The following PLA2G4D variants were observed in gnomAD, a reference collection of about 807,000 sequenced individuals.
The protein encoded by PLA2G4D is phospholipase A2 group IVD, also known as cytosolic phospholipase A2 delta.
Under a neutral mutation model 94.4 loss-of-function variants are expected in PLA2G4D, and 80 were observed. That is an observed-to-expected ratio of 0.85 (90% CI 0.71 to 1.02). PLA2G4D has a LOEUF of 1.02. Ranked by LOEUF, PLA2G4D falls within the 50% of genes least tolerant of loss-of-function variation. The probability of loss-of-function intolerance (pLI) is 0.00; values close to 1 mark genes in which losing one functional copy is unlikely to be tolerated. For missense variants in PLA2G4D, 1,050 were observed against 1,034.7 expected, an observed-to-expected ratio of 1.01 and a Z score of -0.20; for synonymous variants, 438 against 440.9, an observed-to-expected ratio of 0.99 and a Z score of 0.08.
In PLA2G4D at chr15:42,070,691, G is replaced by T. The variant is rs1469402219; in HGVS notation, c.2043+26C>A. The T allele has an allele frequency of 2.6e-6, 4 of 1,546,636 alleles. No individual in the cohort carries two copies. In the Admixed American group the frequency reaches 7.9e-5, roughly 30 times the overall value. On this transcript the variant is annotated intron_variant, in intron 18 of 19. Coordinates refer to ENST00000290472, the MANE Select transcript of PLA2G4D (RefSeq NM_178034.4). ...TGGAGCTTGGCCTGGCTGGGCAGAG[G>T]GGTTCCCCTGGGGTGACCAGGGTAC...
Position 42,087,333 on chromosome 15 carries a change from C to T in PLA2G4D, c.222G>A (p.Glu74=). Residue 74 remains glutamate (E), a synonymous_variant, in exon 3 of 20, where the codon GAG becomes GAA. Coordinates refer to ENST00000290472, the MANE Select transcript of PLA2G4D (RefSeq NM_178034.4). ...GACTTTGGATAAGGAAACGGAAGGC[C>T]TCATTCCACACAGGATGACTGGTGT... ...LTDTSHPVWN[E]AFRFLIQSQV... is the part of the protein sequence containing the mutation. 1 of 1,614,182 alleles carries T rather than the reference C, an allele frequency of 6.2e-7. No individual in the cohort carries two copies. Among genetic ancestry groups the T allele is most frequent in the Non-Finnish European group, 8.5e-7 (1 of 1,180,030 alleles).
At position 42,083,247 on chromosome 15, in the gene PLA2G4D, C is replaced by T. The variant is rs189743179; in HGVS notation, c.623G>A (p.Arg208His). The change falls in exon 8 of 20, where the codon CGC becomes CAC. Residue 208 changes from arginine to histidine, a missense_variant. Arg to His is a conservative substitution (Grantham distance 29). Transcript: ENST00000290472. ...TSFLGTASAF[R>H]FHYMAALETE... is the part of the protein sequence containing the mutation. ...CTCTAGGGCTGCCATGTAGTGGAAG[C>T]GGAAGGCAGAGGCTGTGCCCAGGAA... The T allele has an allele frequency of 2.8e-5, 45 of 1,614,132 alleles. No individual in the cohort carries two copies. The East Asian group carries it at 8.2e-4, about 30-fold the overall frequency.
chr15:42,071,123 C>T lies in PLA2G4D; in HGVS notation c.1876G>A (p.Asp626Asn), dbSNP rs1422098788. Residue 626 changes from aspartate (D) to asparagine (N), a missense_variant and splice_region_variant, in exon 17 of 20, where the codon GAC becomes AAC. Coordinates refer to ENST00000290472, the MANE Select transcript of PLA2G4D (RefSeq NM_178034.4). ...CSHKDFSTWA[D>N]YQLDSMPSQL... Reference sequence around the variant, plus strand: ...AGGGACCCCTGGCCACGGCCCTGACCTGCCCAGGTGGAGAAGTCTTTGTGG... The same window carrying T: ...AGGGACCCCTGGCCACGGCCCTGACTTGCCCAGGTGGAGAAGTCTTTGTGG... 1 of 1,609,584 alleles carries T rather than the reference C, an allele frequency of 6.2e-7. No individual in the cohort carries two copies. Among genetic ancestry groups the T allele is most frequent in the Non-Finnish European group, 8.5e-7 (1 of 1,178,762 alleles).
chr15:42,074,894 C>T (rs147679938), intron 13 of PLA2G4D, among the ~76,000 whole-genome samples: 314 of 152,174 alleles, frequency 2.1e-3, no homozygotes, highest in African/African-American at 6.9e-3. Context: ...AAATTAAAAA[C>T]CTTTCATATT....
rs573993659 is a variant in PLA2G4D, at chr15:42,091,654, C to T, written c.45+2761G>A. On this transcript the variant is annotated intron_variant, in intron 1 of 19. Coordinates refer to ENST00000290472, the MANE Select transcript of PLA2G4D (RefSeq NM_178034.4). ...CTCGTGGAGGGCCTGACGTTAGGCT[C>T]GCCCGCAGTTACCTGGAGGCCTAAC... 1.1e-3 allele frequency among the ~76,000 whole-genome samples: 169 copies of T among 151,884 alleles called. 1 individual carries two copies. The highest frequency in any genetic ancestry group is 4.0e-3 in the African/African-American group (163 of 41,226).
chr15:42,086,194 T>TAA lies in PLA2G4D; in HGVS notation c.387+18_387+19insTT. ...GGAAGAAGTGGGGCCCACGGGGACT[T>TAA]CCCCACCCACCCACCCACCTGGGGA... On this transcript the variant is annotated intron_variant, in intron 4 of 19. Coordinates refer to ENST00000290472, the MANE Select transcript of PLA2G4D (RefSeq NM_178034.4). The TAA allele has an allele frequency of 7.3e-7, 1 of 1,370,444 alleles. No homozygotes were observed. 84.9% of individuals were successfully genotyped at this position (1,370,444 alleles called of 1,614,324 possible). A position where few individuals can be genotyped will look rare whatever the true frequency, so the allele number is the denominator to read the frequency against.
rs1372361632 is a variant in PLA2G4D at position 42,067,907 on chromosome 15, G to C, written c.*808C>G. 1 of 152,248 alleles carries C rather than the reference G, an allele frequency of 6.6e-6. No individual in the cohort carries two copies. The highest frequency in any genetic ancestry group is 1.5e-5 in the Non-Finnish European group (1 of 68,048). The allele number at this position is 152,248 out of a possible 1,614,324, so 9.4% of individuals were successfully genotyped here. A position where few individuals can be genotyped will look rare whatever the true frequency, so the allele number is the denominator to read the frequency against. ...GTCAGAGTCAGGAACAAGACAAGAT[G>C]TCTGCTCTTGAAACGTGTGTTCATC... On this transcript the variant is annotated 3_prime_UTR_variant, in exon 20 of 20. Transcript: ENST00000290472.
Position 42,086,194 on chromosome 15 carries a change from T to TTGGGGGGGGGGGGGCGCC in PLA2G4D, c.387+18_387+19insGGCGCCCCCCCCCCCCCA. 4 of 1,370,436 alleles carry TTGGGGGGGGGGGGGCGCC rather than the reference T, an allele frequency of 2.9e-6. No individual in the cohort carries two copies. The highest frequency in any genetic ancestry group is 3.8e-6 in the Non-Finnish European group (4 of 1,043,076). 84.9% of individuals were successfully genotyped at this position (1,370,436 alleles called of 1,614,324 possible). On this transcript the variant is annotated intron_variant, in intron 4 of 19. Coordinates refer to ENST00000290472, the MANE Select transcript of PLA2G4D (RefSeq NM_178034.4). ...GGAAGAAGTGGGGCCCACGGGGACT[T>TTGGGGGGGGGGGGGCGCC]CCCCACCCACCCACCCACCTGGGGA...
intron 19 of PLA2G4D, 108 bp downstream of exon 19, chr15:42,069,801 C>A (rs1480739557): frequency 9.6e-7 from 1 of 1,043,228 alleles, no homozygotes; most frequent in Non-Finnish European, 1.3e-6. Context: ...TAGCCTGAAG[C>A]CTTCTCCTGG....
In PLA2G4D at chr15:42,081,128, G is replaced by A. The variant is rs562324441; in HGVS notation, c.963C>T (p.Pro321=). 59 of 1,613,566 alleles carry A rather than the reference G, an allele frequency of 3.7e-5. No individual in the cohort carries two copies. The highest frequency in any genetic ancestry group is 2.6e-5 in the Non-Finnish European group (31 of 1,179,792). The change falls in exon 12 of 20, where the codon CCC becomes CCT. Residue 321 remains proline (P), a synonymous_variant. Coordinates refer to ENST00000290472, the MANE Select transcript of PLA2G4D (RefSeq NM_178034.4). ...CTCCTGTGGCCATGATGCCCACAAC[G>A]GGTACCTGGACCACACACAGACAGG... ...LDRDLQEDEV[P]VVGIMATGGG...
chr15:42,094,529 G>A lies in PLA2G4D; in HGVS notation c.-70C>T, dbSNP rs1015337400. The A allele has an allele frequency of 7.0e-6, 11 of 1,577,610 alleles. No homozygotes were observed. The highest frequency in any genetic ancestry group is 6.7e-5 in the Admixed American group (4 of 59,490). Reference sequence around the variant, plus strand: ...GCTGGCTCTCTGGCTGAGTGGCAGCGACGGTCCCAGTGGGATAGGACCAGC... The same window carrying A: ...GCTGGCTCTCTGGCTGAGTGGCAGCAACGGTCCCAGTGGGATAGGACCAGC... On this transcript the variant is annotated 5_prime_UTR_variant, in exon 1 of 20. Transcript: ENST00000290472.
chr15:42,077,979 T>C (rs1889962092), intron 13 of PLA2G4D, among the ~76,000 whole-genome samples: 1 of 152,256 alleles, frequency 6.6e-6, no homozygotes, highest in African/African-American at 2.4e-5. Flanking sequence ...CATGACAGTT[T>C]ACTCATTCCC....
chr15:42,070,594 C>A (rs1889783758), intron 18 of PLA2G4D, 123 bp downstream of exon 18: 6 of 1,237,382 alleles, frequency 4.8e-6, no homozygotes, highest in Non-Finnish European at 6.7e-6. Context: ...CAGATCAAGG[C>A]CTGACACCTC....
intron 18 of PLA2G4D, 94 bp downstream of exon 18, chr15:42,070,623 C>T (rs2459692): frequency 2.2e-6 from 3 of 1,379,422 alleles, no homozygotes; most frequent in Non-Finnish European, 2.9e-6. Flanking sequence ...TTCGGGACCC[C>T]GGCGGTGTGG....
chr15:42,076,489 T>G (rs1031983112), intron 13 of PLA2G4D, among the ~76,000 whole-genome samples: 1 of 152,076 alleles, frequency 6.6e-6, no homozygotes, highest in African/African-American at 2.4e-5. Flanking sequence ...CTGGTAAGGA[T>G]TCACATCGAG....
chr15:42,068,474 G>T lies in PLA2G4D; in HGVS notation c.*241C>A. 1 of 543,708 alleles carries T rather than the reference G, an allele frequency of 1.8e-6. No homozygotes were observed. Among genetic ancestry groups the T allele is most frequent in the South Asian group, 2.2e-5 (1 of 45,146 alleles). The allele number at this position is 543,708 out of a possible 1,614,324, so 33.7% of individuals were successfully genotyped here. A position where few individuals can be genotyped will look rare whatever the true frequency, so the allele number is the denominator to read the frequency against. ...GTAATTGTGGTGTGAAAGTCTGTCT[G>T]GTTGGACCAGCTGTTCTACACACTG... On this transcript the variant is annotated 3_prime_UTR_variant, in exon 20 of 20. Transcript: ENST00000290472.
At chr15:42,071,597 C>T in intron 15 of PLA2G4D, 46 bp from the exon 16 acceptor site, 2 of 1,563,590 alleles carry the variant, frequency 1.3e-6, no homozygotes, top group Non-Finnish European at 1.8e-6. Flanking sequence ...AGCCAGCGGC[C>T]CCACCCTCAG....
chr15:42,081,188 G>T, intron 11 of PLA2G4D, 55 bp from the exon 12 acceptor site: 2 of 1,589,154 alleles, frequency 1.3e-6, no homozygotes, highest in African/African-American at 2.7e-5. Flanking sequence ...GCTGCCTCCT[G>T]TCTCACCCAG....
intron 6 of PLA2G4D, 96 bp from the exon 7 acceptor site, chr15:42,083,875 C>T: frequency 8.0e-7 from 1 of 1,246,772 alleles, no homozygotes; most frequent in Non-Finnish European, 1.2e-6. Context: ...AAATCCACCA[C>T]ACACACAAGG....
Sources: allele counts gnomAD v4.1 joint callset (sites outside exome capture counted in the v4.1 genomes callset), GRCh38; gene constraint gnomAD v4.1.1; transcripts MANE v1.5; gene names NCBI Gene and HGNC (gene_info 2026-07-23, HGNC 2026-07-21).